Variants in CABP1 observed in about 807,000 individuals in gnomAD.
The protein encoded by CABP1 is calcium-binding protein 1.
Under a neutral mutation model 34.3 loss-of-function variants are expected in CABP1, and 17 were observed. The ratio of observed to expected loss-of-function variants is 0.50; its 90% CI spans 0.34 to 0.74. The LOEUF (loss-of-function observed/expected upper bound fraction) is 0.74, where lower values mean the gene tolerates loss of function less well. CABP1 is among the 30% of genes least tolerant of loss of function. The pLI, the probability that CABP1 is intolerant of heterozygous loss-of-function variation, is 0.01. For missense variants in CABP1, 373 were observed against 511.1 expected (o/e 0.73, Z 2.61); for synonymous variants, 198 against 229.2 (o/e 0.86, Z 1.23).
intron 1 of CABP1, among the ~76,000 whole-genome samples, chr12:120,647,704 A>G (rs1041692410): frequency 1.0e-4 from 15 of 149,952 alleles, no homozygotes; most frequent in Admixed American, 2.7e-4. Flanking sequence ...AGTAGCGGCG[A>G]CTGCAGGCAC....
chr12:120,641,474 C>A lies in CABP1; in HGVS notation c.654+135C>A. 1.0e-6 allele frequency: 1 copy of A among 1,004,820 alleles called. No individual in the cohort carries two copies. Among genetic ancestry groups the A allele is most frequent in the Non-Finnish European group, 1.3e-6 (1 of 781,702 alleles). 62.2% of individuals were successfully genotyped at this position (1,004,820 alleles called of 1,614,324 possible). A position where few individuals can be genotyped will look rare whatever the true frequency, so the allele number is the denominator to read the frequency against. ...ACGCCTCGGCTCACCTCGTCCTCCC[C>A]GGGCCGGCGCCCTTGCCGGCACTCC... On this transcript the variant is annotated intron_variant, in intron 1 of 5. Coordinates refer to ENST00000316803, the MANE Select transcript of CABP1 (RefSeq NM_001033677.2). This position sits in a 1 kb window ranked among gnomAD's most constrained non-coding sequence, Gnocchi z 6.7.
Position 120,665,347 on chromosome 12 carries a change from G to T in CABP1, c.1088-1528G>T, listed in dbSNP as rs143598892. The stretch of plus-strand genomic sequence containing the variant: ...GAGCTGAGGTGGGAGGATCGCTTGA[G>T]CCCGGGAGGTCAAGGCTGCAGTGAG... On this transcript the variant is annotated intron_variant, in intron 5 of 5. Transcript: ENST00000316803. Among the ~76,000 whole-genome samples, 219 of 152,034 alleles carry T rather than the reference G, an allele frequency of 1.4e-3. 1 individual carries two copies. Among genetic ancestry groups the T allele is most frequent in the Non-Finnish European group, 1.5e-4 (10 of 67,960 alleles).
At position 120,660,609 on chromosome 12, in the gene CABP1, T is replaced by C; in HGVS notation, c.830-122T>C. 1.3e-6 allele frequency: 1 copy of C among 763,384 alleles called. No homozygotes were observed. The highest frequency in any genetic ancestry group is 1.7e-5 in the African/African-American group (1 of 57,800). 47.3% of individuals were successfully genotyped at this position (763,384 alleles called of 1,614,324 possible). On this transcript the variant is annotated intron_variant, in intron 3 of 5. Coordinates refer to ENST00000316803, the MANE Select transcript of CABP1 (RefSeq NM_001033677.2). The surrounding 1 kb of genome is among the most constrained non-coding windows in gnomAD (Gnocchi z 5.0). Reference sequence around the variant, plus strand: ...AGAACTGAACAGAGGGCTCTTGTTATTATTAAGTTTGTCTCTATCTGATGA... The same window carrying C: ...AGAACTGAACAGAGGGCTCTTGTTACTATTAAGTTTGTCTCTATCTGATGA...
chr12:120,673,538 C>T, the CABP1 span, among the ~76,000 whole-genome samples: 173 of 151,920 alleles, frequency 1.1e-3, 1 homozygote, highest in African/African-American at 3.6e-3. Context: ...GAGCCGAGAT[C>T]GTGCCACTCA....
In CABP1 at chr12:120,640,915, C is replaced by T. The variant is rs1194771154; in HGVS notation, c.230C>T (p.Ala77Val). Residue 77 changes from alanine (A) to valine (V), a missense_variant, in exon 1 of 6, where the codon GCG becomes GTG. Physicochemically the swap from Ala to Val is moderately conservative, Grantham distance 64. Coordinates refer to ENST00000316803, the MANE Select transcript of CABP1 (RefSeq NM_001033677.2). The surrounding 1 kb of genome is among the most constrained non-coding windows in gnomAD (Gnocchi z 6.2). Reference protein sequence around the residue: ...SKTSLLKAAAAAASGGSRAPR... With the variant: ...SKTSLLKAAAVAASGGSRAPR... ...ACGTCGCTGCTGAAGGCGGCGGCGG[C>T]GGCGGCGAGCGGGGGCAGCCGGGCT... 3 of 1,106,130 alleles carry T rather than the reference C, an allele frequency of 2.7e-6. No individual in the cohort carries two copies. The highest frequency in any genetic ancestry group is 3.3e-6 in the Non-Finnish European group (3 of 908,430). 68.5% of individuals were successfully genotyped at this position (1,106,130 alleles called of 1,614,324 possible). A position where few individuals can be genotyped will look rare whatever the true frequency, so the allele number is the denominator to read the frequency against.
the CABP1 span, among the ~76,000 whole-genome samples, chr12:120,673,563 G>C: frequency 6.6e-6 from 1 of 152,036 alleles, no homozygotes; most frequent in Non-Finnish European, 1.5e-5. Flanking sequence ...ACTCCAGCCT[G>C]GGTGACAGGG....
chr12:120,658,034 T>C (rs376422765), intron 1 of CABP1, among the ~76,000 whole-genome samples: 2 of 151,282 alleles, frequency 1.3e-5, no homozygotes, highest in Admixed American at 6.6e-5. Flanking sequence ...TACGAACATA[T>C]GGGTTTGTGT....
In CABP1 at chr12:120,641,520, G is replaced by A; in HGVS notation, c.654+181G>A. The A allele has an allele frequency of 1.7e-6, 1 of 573,400 alleles. No individual in the cohort carries two copies. Among genetic ancestry groups the A allele is most frequent in the Non-Finnish European group, 2.6e-6 (1 of 387,970 alleles). The allele number at this position is 573,400 out of a possible 1,614,324, so 35.5% of individuals were successfully genotyped here. The stretch of plus-strand genomic sequence containing the variant: ...ACTCCTCCTCCCCGTGCCTGATTCA[G>A]CACCCCGTGCGCTGTCCACGCTCCG... On this transcript the variant is annotated intron_variant, in intron 1 of 5. Transcript: ENST00000316803. The surrounding 1 kb of genome is among the most constrained non-coding windows in gnomAD (Gnocchi z 6.7).
At chr12:120,670,882 T>C (rs949721984), downstream of CABP1, among the ~76,000 whole-genome samples, 6 of 152,180 alleles carry the variant, frequency 3.9e-5, no homozygotes, top group Non-Finnish European at 7.3e-5. Context: ...GCTCCTACTA[T>C]GTGCCAGGCC....
the CABP1 span, among the ~76,000 whole-genome samples, chr12:120,674,169 A>G: frequency 1.3e-5 from 2 of 152,228 alleles, no homozygotes; most frequent in African/African-American, 4.8e-5. Context: ...GGATGATGGA[A>G]CGAGGCCATA....
At chr12:120,666,749 G>A (rs1164992055) in intron 5 of CABP1, 126 bp from the exon 6 acceptor site, 3 of 1,014,934 alleles carry the variant, frequency 3.0e-6, no homozygotes, top group South Asian at 1.4e-5. Context: ...ATGGATTGGA[G>A]AGGGCGGAAT....
Position 120,660,674 on chromosome 12 carries a change from G to A in CABP1, c.830-57G>A. 1 of 1,197,470 alleles carries A rather than the reference G, an allele frequency of 8.4e-7. No homozygotes were observed. The highest frequency in any genetic ancestry group is 1.2e-6 in the Non-Finnish European group (1 of 801,196). The allele number at this position is 1,197,470 out of a possible 1,614,324, so 74.2% of individuals were successfully genotyped here. On this transcript the variant is annotated intron_variant, in intron 3 of 5. Coordinates refer to ENST00000316803, the MANE Select transcript of CABP1 (RefSeq NM_001033677.2). This position sits in a 1 kb window ranked among gnomAD's most constrained non-coding sequence, Gnocchi z 5.0. ...GGTTGTCCATTCTGTCAGTTGTCTA[G>A]TTGGAGACAGGGAATGGGTATGTCG...
At chr12:120,656,849 C>T (rs1312476110) in intron 1 of CABP1, among the ~76,000 whole-genome samples, 1 of 152,062 alleles carries the variant, frequency 6.6e-6, no homozygotes, top group African/African-American at 2.4e-5. Context: ...GAGCCAAGGT[C>T]GCGCCATGGC....
In CABP1 at chr12:120,666,938, A is replaced by T. The variant is rs1318440899; in HGVS notation, c.*38A>T. 6.3e-7 allele frequency: 1 copy of T among 1,587,120 alleles called. No homozygotes were observed. The highest frequency in any genetic ancestry group is 2.3e-5 in the East Asian group (1 of 44,322). Reference sequence around the variant, plus strand: ...CCCTCCAGGACTGCCAAGCTCCCAAAGGCGGGGCTAAGAGGAGCTAGAGCT... The same window carrying T: ...CCCTCCAGGACTGCCAAGCTCCCAATGGCGGGGCTAAGAGGAGCTAGAGCT... On this transcript the variant is annotated 3_prime_UTR_variant, in exon 6 of 6. Coordinates refer to ENST00000316803, the MANE Select transcript of CABP1 (RefSeq NM_001033677.2).
chr12:120,648,379 C>T (rs1372768530), intron 1 of CABP1, among the ~76,000 whole-genome samples: 2 of 152,184 alleles, frequency 1.3e-5, no homozygotes, highest in Non-Finnish European at 2.9e-5. Context: ...TCTCTTATCC[C>T]CCAACAACGT....
At chr12:120,657,837 G>C (rs1335751347) in intron 1 of CABP1, among the ~76,000 whole-genome samples, 1 of 152,136 alleles carries the variant, frequency 6.6e-6, no homozygotes, top group Non-Finnish European at 1.5e-5. Context: ...TGCAGAACTG[G>C]GCCTTGGAGA....
rs192970646 is a variant in CABP1 at position 120,660,071 on chromosome 12, G to A, written c.686-125G>A. ...GGTGTGCACAGGAGGCAAGAGAAATGCCCCAGCATCCTGGGAAGCTCCTGG... is the reference window on the plus strand; with the variant it reads ...GGTGTGCACAGGAGGCAAGAGAAATACCCCAGCATCCTGGGAAGCTCCTGG... On this transcript the variant is annotated intron_variant, in intron 2 of 5. Transcript: ENST00000316803. The surrounding 1 kb of genome is among the most constrained non-coding windows in gnomAD (Gnocchi z 5.0). 103 of 1,370,616 alleles carry A rather than the reference G, an allele frequency of 7.5e-5. No individual in the cohort carries two copies. The African/African-American group carries it at 1.3e-3, about 18-fold the overall frequency. 84.9% of individuals were successfully genotyped at this position (1,370,616 alleles called of 1,614,324 possible).
intron 1 of CABP1, among the ~76,000 whole-genome samples, chr12:120,646,930 G>A (rs2137329679): frequency 6.6e-6 from 1 of 152,290 alleles, no homozygotes; most frequent in Non-Finnish European, 1.5e-5. Flanking sequence ...TGGATCCCTT[G>A]CTATCCTCAA....
chr12:120,674,225 C>T, the CABP1 span, among the ~76,000 whole-genome samples: 1,465 of 152,354 alleles, frequency 9.6e-3, 28 homozygotes, highest in African/African-American at 0.033. Flanking sequence ...TCATTCTTGT[C>T]GGTTGTTATT....
Sources: gnomAD v4.1 joint callset for allele counts (sites outside exome capture counted in the v4.1 genomes callset) on GRCh38, gnomAD v4.1.1 for gene constraint, Gnocchi (gnomAD v3.1) non-coding constraint, MANE v1.5 for transcripts, NCBI Gene and HGNC (gene_info 2026-07-23, HGNC 2026-07-21) for gene names.